Variants in RAPGEF6 observed in about 807,000 individuals in gnomAD.
RAPGEF6 encodes the protein PDZ domain containing guanine nucleotide exchange factor (GEF) 2.
In RAPGEF6, 56 loss-of-function variants were observed where a neutral mutation model predicts 171.4. The observed-to-expected ratio is 0.33, with a 90% CI of 0.26 to 0.41. The LOEUF (loss-of-function observed/expected upper bound fraction) is 0.41. Among genes scored for constraint, RAPGEF6 ranks in the 10% least tolerant of loss-of-function variants. RAPGEF6 has a pLI of 1.00. For synonymous variants in RAPGEF6, 692 were observed against 650.1 expected (o/e 1.06, Z -0.98); for missense variants, 1,674 against 1,921.4 (o/e 0.87, Z 2.41).
Position 131,518,048 on chromosome 5 carries a change from T to C in RAPGEF6, c.627+3342A>G, listed in dbSNP as rs922872086. Among the ~76,000 whole-genome samples the C allele has an allele frequency of 2.0e-5, 3 of 152,204 alleles. No individual in the cohort carries two copies. The East Asian group carries it at 5.8e-4, about 29-fold the overall frequency. On this transcript the variant is annotated intron_variant, in intron 7 of 27. Transcript: ENST00000509018. Reference sequence around the variant, plus strand: ...TTCGTTTAAGAAACATAATAAAAACTACCCACAAACCCACCACTAGTAGAA... The same window carrying C: ...TTCGTTTAAGAAACATAATAAAAACCACCCACAAACCCACCACTAGTAGAA...
chr5:131,453,159 T>G lies in RAPGEF6; in HGVS notation c.3095A>C (p.Asp1032Ala), dbSNP rs977353413. 1.9e-6 allele frequency: 3 copies of G among 1,612,318 alleles called. No homozygotes were observed. Among genetic ancestry groups the G allele is most frequent in the Non-Finnish European group, 2.5e-6 (3 of 1,179,104 alleles). Residue 1032 changes from aspartate to alanine, a missense_variant, in exon 21 of 28, where the codon GAT becomes GCT. Asp to Ala is a moderately radical substitution (Grantham distance 126). Around this residue, in one of 3 missense-constraint regions of RAPGEF6, gnomAD observed 1,116 missense variants for 1,321.5 expected, o/e 0.84. Transcript: ENST00000509018. ...FLHEGNDSKV[D>A]GLVNFEKLRM... ...TAACTTCTCAAAGTTTACTAAACCATCTACTTTGGAGTCATTTCCTATAGA... is the reference window on the plus strand; with the variant it reads ...TAACTTCTCAAAGTTTACTAAACCAGCTACTTTGGAGTCATTTCCTATAGA...
chr5:131,542,901 G>C (rs1760250034), intron 6 of RAPGEF6, among the ~76,000 whole-genome samples: 1 of 152,154 alleles, frequency 6.6e-6, no homozygotes, highest in Non-Finnish European at 1.5e-5. Flanking sequence ...GAGAAAGTTG[G>C]AGAACTGAAC....
intron 9 of RAPGEF6, among the ~76,000 whole-genome samples, chr5:131,506,006 A>G (rs1757349396): frequency 6.6e-6 from 1 of 152,250 alleles, no homozygotes; most frequent in Non-Finnish European, 1.5e-5. Context: ...AAAAATAGAT[A>G]GCTAATGATT....
chr5:131,568,357 G>A (rs1464262884), intron 4 of RAPGEF6, among the ~76,000 whole-genome samples: 1 of 150,994 alleles, frequency 6.6e-6, no homozygotes, highest in Non-Finnish European at 1.5e-5. Flanking sequence ...TTAGAGATAG[G>A]GTCTCATTCT....
At position 131,508,064 on chromosome 5, in the gene RAPGEF6, G is replaced by A. The variant is rs1443378200; in HGVS notation, c.942+7C>T. On this transcript the variant is annotated splice_region_variant and intron_variant, in intron 9 of 27. Transcript: ENST00000509018. ...AATAAATGTATGTAATTTATTTATT[G>A]ACCTACCTCTTGCCCATCTTCAAGA... 1.9e-6 allele frequency: 3 copies of A among 1,585,248 alleles called. No homozygotes were observed. The highest frequency in any genetic ancestry group is 2.3e-5 in the East Asian group (1 of 43,782).
intron 11 of RAPGEF6, among the ~76,000 whole-genome samples, chr5:131,499,435 G>T (rs1433025216): frequency 6.6e-6 from 1 of 152,040 alleles, no homozygotes; most frequent in South Asian, 2.1e-4. Context: ...ACAAAAATTG[G>T]CTGGGTGTGG....
intron 6 of RAPGEF6, chr5:131,532,282 T>C (rs531618976): frequency 4.1e-6 from 1 of 243,870 alleles, no homozygotes; most frequent in African/African-American, 2.3e-5. Flanking sequence ...AGGCAGCCTC[T>C]CCAAACCCCT....
chr5:131,513,780 T>C (rs564751786), intron 7 of RAPGEF6, among the ~76,000 whole-genome samples: 29 of 152,270 alleles, frequency 1.9e-4, no homozygotes, highest in African/African-American at 7.0e-4. Flanking sequence ...GGCTGAGGCA[T>C]GCAGATCGCT....
In RAPGEF6 at chr5:131,426,554, G is replaced by A. The variant is rs1177585335; in HGVS notation, c.*712C>T. On this transcript the variant is annotated 3_prime_UTR_variant, in exon 28 of 28. Transcript: ENST00000509018. ...CTCCCATTTCCCAAAGGACTGACAA[G>A]AAACCCTGTGGCAGCTTCATTTGGC... The A allele has an allele frequency of 6.6e-6, 1 of 152,328 alleles. No homozygotes were observed. Among genetic ancestry groups the A allele is most frequent in the Non-Finnish European group, 1.5e-5 (1 of 68,038 alleles). The allele number at this position is 152,328 out of a possible 1,614,324, so 9.4% of individuals were successfully genotyped here.
chr5:131,538,061 T>C (rs1759890244), intron 6 of RAPGEF6, among the ~76,000 whole-genome samples: 1 of 152,126 alleles, frequency 6.6e-6, no homozygotes, highest in African/African-American at 2.4e-5. Context: ...CACTGCATTC[T>C]AGTCTAGTTG....
intron 4 of RAPGEF6, among the ~76,000 whole-genome samples, chr5:131,592,091 G>A (rs1046194318): frequency 2.6e-5 from 4 of 152,122 alleles, no homozygotes; most frequent in Admixed American, 2.6e-4. Flanking sequence ...CCCGACCTCA[G>A]GTGATCCGCC....
chr5:131,599,184 G>A (rs1336242723), intron 3 of RAPGEF6, among the ~76,000 whole-genome samples: 5 of 152,030 alleles, frequency 3.3e-5, no homozygotes, highest in Admixed American at 2.6e-4. Flanking sequence ...AAAAGTAGCC[G>A]GGCATGGTGG....
chr5:131,443,656 G>A (rs1169950260), intron 22 of RAPGEF6, among the ~76,000 whole-genome samples: 1 of 152,092 alleles, frequency 6.6e-6, no homozygotes, highest in Non-Finnish European at 1.5e-5. Flanking sequence ...GCATGATTTA[G>A]CATCAGCCTG....
chr5:131,474,334 C>T (rs925695127), intron 16 of RAPGEF6, among the ~76,000 whole-genome samples: 23 of 152,138 alleles, frequency 1.5e-4, no homozygotes, highest in African/African-American at 3.6e-4. Context: ...AGTCGGGTGG[C>T]TCGTGCCTGT....
chr5:131,473,769 C>T (rs983718745), intron 16 of RAPGEF6, among the ~76,000 whole-genome samples: 2 of 152,068 alleles, frequency 1.3e-5, no homozygotes, highest in Non-Finnish European at 2.9e-5. Context: ...ATTTAAATTA[C>T]ACTAGATGTA....
At chr5:131,579,080 T>G (rs2149989073) in intron 4 of RAPGEF6, among the ~76,000 whole-genome samples, 2 of 152,334 alleles carry the variant, frequency 1.3e-5, no homozygotes, top group Admixed American at 1.3e-4. Flanking sequence ...TCTGGCGGGT[T>G]CGTGGTCTCG....
intron 5 of RAPGEF6, among the ~76,000 whole-genome samples, 178 bp downstream of exon 5, chr5:131,561,800 A>G (rs114074783): frequency 0.014 from 2,160 of 152,178 alleles, 42 homozygotes; most frequent in African/African-American, 0.048. Context: ...TCTCTTGAGG[A>G]TCAAAAAAAG....
At chr5:131,442,315 G>C in intron 23 of RAPGEF6, 34 bp downstream of exon 23, 1 of 1,542,108 alleles carries the variant, frequency 6.5e-7, no homozygotes, top group Non-Finnish European at 8.8e-7. Context: ...GAAATTTCAG[G>C]TAAACGGATG....
intron 5 of RAPGEF6, among the ~76,000 whole-genome samples, chr5:131,551,374 G>A (rs1760914371): frequency 1.3e-5 from 2 of 152,076 alleles, no homozygotes; most frequent in East Asian, 1.9e-4. Flanking sequence ...TTAGCCAGGC[G>A]CGGTGGCAGG....
Sources: allele counts gnomAD v4.1 joint callset (sites outside exome capture counted in the v4.1 genomes callset), GRCh38; gene constraint gnomAD v4.1.1; regional missense constraint gnomAD v4.1.1; transcripts MANE v1.5; gene names NCBI Gene and HGNC (gene_info 2026-07-23, HGNC 2026-07-21).